HRH2: variants seen among roughly 807,000 people sequenced by gnomAD.
HRH2 encodes the protein histamine receptor H2.
A neutral mutation model predicts 20.1 loss-of-function variants in HRH2; 4 were observed. The observed-to-expected ratio is 0.20, with a 90% confidence interval of 0.10 to 0.45. The LOEUF (loss-of-function observed/expected upper bound fraction) is 0.45, where lower values mean the gene tolerates loss of function less well. Among genes scored for constraint, HRH2 ranks in the 20% least tolerant of loss-of-function variants. The pLI is 0.99. For synonymous variants in HRH2, 197 were observed against 200.7 expected (o/e 0.98, Z 0.16); for missense variants, 250 against 461.6 (o/e 0.54, Z 4.20).
Position 175,677,210 on chromosome 5 carries a change from G to C in HRH2, c.-525-5499G>C, listed in dbSNP as rs1332719550. On this transcript the variant is annotated intron_variant, in intron 1 of 2. Coordinates refer to ENST00000636584, the MANE Select transcript of HRH2 (RefSeq NM_001367711.1). The surrounding 1 kb of genome is among the most constrained non-coding windows in gnomAD (Gnocchi z 4.2). ...GGGTCTCACTACGTTGCCCAGGCTGGTCTCAAATTCCTGGCCAATTCTCCC... is the reference window on the plus strand; with the variant it reads ...GGGTCTCACTACGTTGCCCAGGCTGCTCTCAAATTCCTGGCCAATTCTCCC... Among the ~76,000 whole-genome samples, 1 of 152,176 alleles carries C rather than the reference G, an allele frequency of 6.6e-6. No individual in the cohort carries two copies. The highest frequency in any genetic ancestry group is 1.9e-4 in the East Asian group (1 of 5,190).
At chr5:175,684,557 A>AAG (rs1335544941) in intron 2 of HRH2, among the ~76,000 whole-genome samples, 1 of 152,242 alleles carries the variant, frequency 6.6e-6, no homozygotes, top group Non-Finnish European at 1.5e-5. Flanking sequence ...CTGGGGCCTG[A>AAG]AGAGCGGTCA....
chr5:175,690,071 T>C (rs946011578), intron 2 of HRH2, among the ~76,000 whole-genome samples: 2 of 152,252 alleles, frequency 1.3e-5, no homozygotes, highest in Non-Finnish European at 2.9e-5. Context: ...GAGCCCCAGC[T>C]TGTTAACTTA....
chr5:175,681,194 A>T lies in HRH2; in HGVS notation c.-525-1515A>T, dbSNP rs1161650676. On this transcript the variant is annotated intron_variant, in intron 1 of 2. Transcript: ENST00000636584. The surrounding 1 kb of genome is among the most constrained non-coding windows in gnomAD (Gnocchi z 4.3). ...GAGACCCATGCTGTTTGGGCTATTT[A>T]TGTAATGAAAAGCTCTGCTAAAAAT... is the stretch of plus-strand genomic sequence containing the variant. 1.3e-5 allele frequency among the ~76,000 whole-genome samples: 2 copies of T among 152,188 alleles called. No homozygotes were observed. Among genetic ancestry groups the T allele is most frequent in the African/African-American group, 4.8e-5 (2 of 41,444 alleles).
chr5:175,710,723 T>C lies in HRH2; in HGVS notation c.*2752T>C, dbSNP rs1757068817. The C allele has an allele frequency of 6.6e-6, 1 of 152,252 alleles. No individual in the cohort carries two copies. Among genetic ancestry groups the C allele is most frequent in the African/African-American group, 2.4e-5 (1 of 41,462 alleles). The allele number at this position is 152,252 out of a possible 1,614,324, so 9.4% of individuals were successfully genotyped here. ...TGGGACCCCAAATCCATGTTTGTGT[T>C]ACCATCGTGTTCCAATAAAACTATC... On this transcript the variant is annotated 3_prime_UTR_variant, in exon 3 of 3. Coordinates refer to ENST00000636584, the MANE Select transcript of HRH2 (RefSeq NM_001367711.1).
intron 1 of HRH2, among the ~76,000 whole-genome samples, chr5:175,676,934 G>C (rs1349366131): frequency 6.6e-6 from 1 of 152,296 alleles, no homozygotes; most frequent in Non-Finnish European, 1.5e-5. Context: ...TGGCTGAATG[G>C]TATTCCATTT....
chr5:175,689,756 C>A (rs895697660), intron 2 of HRH2, among the ~76,000 whole-genome samples: 1 of 152,184 alleles, frequency 6.6e-6, no homozygotes, highest in African/African-American at 2.4e-5. Context: ...TCTCCAACTC[C>A]AGCACAGATG....
At position 175,665,253 on chromosome 5, in the gene HRH2, C is replaced by T. The variant is rs145643583; in HGVS notation, c.-526+7098C>T. ...TGCCAGCCTCCCGGGGTTCCTGCTACGACCGAGGAGGTACAGGAGCTGCAG... is the reference window on the plus strand; with the variant it reads ...TGCCAGCCTCCCGGGGTTCCTGCTATGACCGAGGAGGTACAGGAGCTGCAG... On this transcript the variant is annotated intron_variant, in intron 1 of 2. Coordinates refer to ENST00000636584, the MANE Select transcript of HRH2 (RefSeq NM_001367711.1). Among the ~76,000 whole-genome samples, 591 of 152,230 alleles carry T rather than the reference C, an allele frequency of 3.9e-3. 4 individuals are homozygous for T. The highest frequency in any genetic ancestry group is 0.013 in the African/African-American group (534 of 41,524).
At chr5:175,663,014 T>C (rs536509624) in intron 1 of HRH2, among the ~76,000 whole-genome samples, 1 of 152,272 alleles carries the variant, frequency 6.6e-6, no homozygotes, top group Non-Finnish European at 1.5e-5. Flanking sequence ...TGCCTTGTTA[T>C]GGCTAAATAA....
Position 175,674,808 on chromosome 5 carries a change from GC to G in HRH2, c.-525-7899del, listed in dbSNP as rs565433014. 4.6e-5 allele frequency among the ~76,000 whole-genome samples: 7 copies of G among 152,332 alleles called. No homozygotes were observed. The East Asian group carries it at 7.7e-4, about 17-fold the overall frequency. On this transcript the variant is annotated intron_variant, in intron 1 of 2. Transcript: ENST00000636584. ...CTGGGGGCTTTCTCTCCAAGGAACA[GC>G]CACAGCCAGAAGTCTTTTCCTGCCT...
At chr5:175,695,306 A>G (rs1252457063) in intron 2 of HRH2, among the ~76,000 whole-genome samples, 1 of 151,966 alleles carries the variant, frequency 6.6e-6, no homozygotes, top group Non-Finnish European at 1.5e-5. Flanking sequence ...CGGTTTCTTC[A>G]CTTGTCAAAG....
intron 1 of HRH2, among the ~76,000 whole-genome samples, chr5:175,659,382 C>G (rs1762666482): frequency 6.6e-6 from 1 of 152,138 alleles, no homozygotes; most frequent in African/African-American, 2.4e-5. Context: ...ATCTCTGGGT[C>G]TGGATGGTGG....
intron 1 of HRH2, among the ~76,000 whole-genome samples, chr5:175,660,095 G>A (rs1044855886): frequency 7.2e-5 from 11 of 152,284 alleles, no homozygotes; most frequent in East Asian, 5.8e-4. Context: ...CGATGCGTCC[G>A]TGGGAAAAAC....
At chr5:175,665,955 G>T (rs1245142274) in intron 1 of HRH2, among the ~76,000 whole-genome samples, 2 of 152,166 alleles carry the variant, frequency 1.3e-5, no homozygotes, top group African/African-American at 2.4e-5. Flanking sequence ...GAAAAGTTAG[G>T]ACATTTTATT....
chr5:175,684,124 C>A lies in HRH2; in HGVS notation c.891C>A (p.Thr297=). 1.2e-6 allele frequency: 2 copies of A among 1,614,172 alleles called. No individual in the cohort carries two copies. The highest frequency in any genetic ancestry group is 1.7e-6 in the Non-Finnish European group (2 of 1,180,042). Residue 297 remains threonine, a synonymous_variant, in exon 2 of 3, where the codon ACC becomes ACA. Transcript: ENST00000636584. ...CTGCGCTGAACAGAGACTTCCGCAC[C>A]GGGTACCAACAGCTCTTCTGCTGCA... ...LYAALNRDFR[T]GYQQLFCCRL...
chr5:175,687,411 A>C lies in HRH2; in HGVS notation c.1076+3102A>C, dbSNP rs1756210427. On this transcript the variant is annotated intron_variant, in intron 2 of 2. Coordinates refer to ENST00000636584, the MANE Select transcript of HRH2 (RefSeq NM_001367711.1). The surrounding 1 kb of genome is among the most constrained non-coding windows in gnomAD (Gnocchi z 5.2). ...TGCCTGAGCCAAGAATTCCGAAGGG[A>C]ACGGAGCCAGCCTGCCCTGGGTGGG... Among the ~76,000 whole-genome samples, 3 of 152,134 alleles carry C rather than the reference A, an allele frequency of 2.0e-5. No individual in the cohort carries two copies. The South Asian group carries it at 6.2e-4, about 32-fold the overall frequency.
At chr5:175,668,373 G>A (rs573069652) in intron 1 of HRH2, among the ~76,000 whole-genome samples, 18 of 152,176 alleles carry the variant, frequency 1.2e-4, no homozygotes, top group Non-Finnish European at 2.6e-4. Flanking sequence ...TGAGAATTCT[G>A]AGGCAGAGAC....
At chr5:175,702,603 G>C (rs1756821127) in intron 2 of HRH2, among the ~76,000 whole-genome samples, 1 of 142,282 alleles carries the variant, frequency 7.0e-6, no homozygotes, top group Non-Finnish European at 1.5e-5. Context: ...CCAGGCTGGA[G>C]TGCAGTGACG....
At chr5:175,703,107 C>T (rs1756841409) in intron 2 of HRH2, among the ~76,000 whole-genome samples, 1 of 152,172 alleles carries the variant, frequency 6.6e-6, no homozygotes, top group Non-Finnish European at 1.5e-5. Flanking sequence ...TTGGGAAACA[C>T]AAAGCGCTTA....
In HRH2 at chr5:175,687,448, G is replaced by A. The variant is rs1281200381; in HGVS notation, c.1076+3139G>A. On this transcript the variant is annotated intron_variant, in intron 2 of 2. Transcript: ENST00000636584. The surrounding 1 kb of genome is among the most constrained non-coding windows in gnomAD (Gnocchi z 5.2). ...CTGCCCTGGGTGGGGTGGGGGCACC[G>A]TCGGCCAAGGGGTGACTCCAGAAGA... Among the ~76,000 whole-genome samples the A allele has an allele frequency of 3.3e-5, 5 of 152,288 alleles. 1 individual carries two copies. The highest frequency in any genetic ancestry group is 6.8e-3 in the Middle Eastern group (2 of 294).
Sources: gnomAD v4.1 joint callset for allele counts (sites outside exome capture counted in the v4.1 genomes callset) on GRCh38, gnomAD v4.1.1 for gene constraint, Gnocchi (gnomAD v3.1) non-coding constraint, MANE v1.5 for transcripts, NCBI Gene and HGNC (gene_info 2026-07-23, HGNC 2026-07-21) for gene names.